The following CCDC66 variants were observed in gnomAD, a reference collection of about 807,000 sequenced individuals.
The protein encoded by CCDC66 is coiled-coil domain-containing protein 66.
CCDC66 carries 133 observed loss-of-function variants against 128.3 expected under a neutral mutation model. The observed-to-expected ratio is 1.04, with a 90% CI of 0.90 to 1.20. CCDC66 has a LOEUF of 1.20. Among genes scored for constraint, CCDC66 ranks in the 50% most tolerant of loss-of-function variants. The pLI, the probability that CCDC66 is intolerant of heterozygous loss-of-function variation, is 0.00. For synonymous variants in CCDC66, 387 were observed against 357.0 expected (o/e 1.08, Z -0.95); for missense variants, 1,126 against 1,075.5 (o/e 1.05, Z -0.66).
At chr3:56,599,611 G>T (rs1057372877) in intron 10 of CCDC66, among the ~76,000 whole-genome samples, 1 of 151,776 alleles carries the variant, frequency 6.6e-6, no homozygotes. Flanking sequence ...TTTTTTTCAA[G>T]AATTTTTTTA....
intron 7 of CCDC66, among the ~76,000 whole-genome samples, chr3:56,573,519 A>G (rs1273468585): frequency 1.3e-5 from 2 of 152,236 alleles, no homozygotes; most frequent in African/African-American, 2.4e-5. Context: ...AAGGAGAAAC[A>G]TCCATGCACA....
chr3:56,621,600 T>C lies in CCDC66; in HGVS notation c.2829T>C (p.Ser943=). The C allele has an allele frequency of 6.3e-7, 1 of 1,593,592 alleles. No homozygotes were observed. The highest frequency in any genetic ancestry group is 1.1e-5 in the South Asian group (1 of 87,626). Residue 943 remains serine, a synonymous_variant, in exon 18 of 18, where the codon AGT becomes AGC. Coordinates refer to ENST00000394672, the MANE Select transcript of CCDC66 (RefSeq NM_001141947.3). ...CTTTAGCTGAAAATCAAGAAGAGAGTTTTGGTTCTTCATTTTAAATGTAGA... is the reference window on the plus strand; with the variant it reads ...CTTTAGCTGAAAATCAAGAAGAGAGCTTTGGTTCTTCATTTTAAATGTAGA... ...LLPLAENQEE[S]FGSSF
intron 1 of CCDC66, chr3:56,557,783 G>A (rs1193953723): frequency 6.5e-6 from 1 of 153,326 alleles, no homozygotes. Context: ...AAAAGGGCTG[G>A]TGCATGGTCT....
intron 14 of CCDC66, 165 bp downstream of exon 14, chr3:56,617,770 GTT>G: frequency 1.3e-6 from 1 of 755,594 alleles, no homozygotes; most frequent in South Asian, 2.0e-5. Flanking sequence ...TTTTTGGAAA[GTT>G]TTATACGAAC....
intron 7 of CCDC66, 85 bp downstream of exon 7, chr3:56,571,387 A>C: frequency 2.6e-6 from 2 of 758,172 alleles, no homozygotes; most frequent in Non-Finnish European, 4.0e-6. Context: ...AAAAAAAAAA[A>C]GTTTTTTTTT....
At chr3:56,620,379 TTG>T (rs1417746185) in intron 17 of CCDC66, 1 of 153,032 alleles carries the variant, frequency 6.5e-6, no homozygotes, top group Non-Finnish European at 1.5e-5. Context: ...TCCCAAACTA[TTG>T]TGACTTCTTT....
intron 10 of CCDC66, among the ~76,000 whole-genome samples, chr3:56,603,626 TTTGA>T (rs1289268885): frequency 6.6e-6 from 1 of 152,116 alleles, no homozygotes; most frequent in African/African-American, 2.4e-5. Flanking sequence ...TGAGTTCTAA[TTTGA>T]TTGCACTGTG....
At position 56,593,589 on chromosome 3, in the gene CCDC66, T is replaced by C. The variant is rs766285921; in HGVS notation, c.1167T>C (p.Pro389=). Reference sequence around the variant, plus strand: ...TCTCTCAGTCAACACACAAACAACCTGAGTACTTCTGTGTCTCTCCTGACA... The same window carrying C: ...TCTCTCAGTCAACACACAAACAACCCGAGTACTTCTGTGTCTCTCCTGACA... The part of the protein sequence containing the change: ...QLFSQSTHKQ[P]EYFCVSPDTQ... The change falls in exon 9 of 18, where the codon CCT becomes CCC. Residue 389 remains proline, a synonymous_variant. Transcript: ENST00000394672. 5.6e-6 allele frequency: 9 copies of C among 1,614,088 alleles called. No homozygotes were observed. The highest frequency in any genetic ancestry group is 6.8e-6 in the Non-Finnish European group (8 of 1,180,026).
chr3:56,613,540 G>A, intron 10 of CCDC66, 49 bp from the exon 11 acceptor site: 1 of 1,585,582 alleles, frequency 6.3e-7, no homozygotes, highest in Non-Finnish European at 8.6e-7. Flanking sequence ...ATTCCCTCCT[G>A]CTTAGATTTT....
At chr3:56,560,319 C>T (rs992674092) in intron 3 of CCDC66, among the ~76,000 whole-genome samples, 9 of 152,310 alleles carry the variant, frequency 5.9e-5, no homozygotes, top group South Asian at 4.1e-4. Context: ...GATCTTCCTC[C>T]TCCAGCCTCC....
chr3:56,571,403 C>A, intron 7 of CCDC66, 101 bp downstream of exon 7: 1 of 775,194 alleles, frequency 1.3e-6, no homozygotes, highest in South Asian at 1.8e-5. Context: ...TTTTTTGAGA[C>A]GGAGTTTCTC....
intron 10 of CCDC66, among the ~76,000 whole-genome samples, chr3:56,595,490 C>T (rs1260394888): frequency 2.0e-5 from 3 of 152,170 alleles, no homozygotes; most frequent in African/African-American, 7.2e-5. Flanking sequence ...TGAGTGGGAA[C>T]ATGTGATGTT....
chr3:56,586,735 C>A (rs2069833593), intron 7 of CCDC66, among the ~76,000 whole-genome samples: 1 of 151,550 alleles, frequency 6.6e-6, no homozygotes. Context: ...GACATACTTA[C>A]AATAAAATTA....
At chr3:56,620,310 A>G (rs1198233330) in intron 17 of CCDC66, 1 of 155,288 alleles carries the variant, frequency 6.4e-6, no homozygotes, top group Non-Finnish European at 1.4e-5. Flanking sequence ...TACATCCCAA[A>G]TAGTAATAAA....
chr3:56,619,210 G>T, intron 15 of CCDC66, 61 bp from the exon 16 acceptor site: 1 of 1,298,616 alleles, frequency 7.7e-7, no homozygotes, highest in Non-Finnish European at 1.1e-6. Context: ...AAAGTGAAAT[G>T]TGATTAAAGA....
At position 56,566,775 on chromosome 3, in the gene CCDC66, C is replaced by G; in HGVS notation, c.710+16C>G. ...AAATTGCCATGTATGTAACTCCTAT[C>G]TGTTGTTATTGTGTGGTCATCTTCA... On this transcript the variant is annotated intron_variant, in intron 5 of 17. Coordinates refer to ENST00000394672, the MANE Select transcript of CCDC66 (RefSeq NM_001141947.3). 6.2e-7 allele frequency: 1 copy of G among 1,601,208 alleles called. No homozygotes were observed. Among genetic ancestry groups the G allele is most frequent in the Non-Finnish European group, 8.5e-7 (1 of 1,173,144 alleles).
At chr3:56,579,338 T>G (rs1367895774) in intron 7 of CCDC66, among the ~76,000 whole-genome samples, 1 of 151,862 alleles carries the variant, frequency 6.6e-6, no homozygotes, top group African/African-American at 2.4e-5. Flanking sequence ...ATCAATTTTG[T>G]TGATCTTTTC....
intron 11 of CCDC66, among the ~76,000 whole-genome samples, chr3:56,614,297 A>G (rs1354362895): frequency 1.3e-5 from 2 of 152,204 alleles, no homozygotes; most frequent in African/African-American, 4.8e-5. Context: ...GCACAAAGCA[A>G]ATTACCTATG....
chr3:56,573,900 T>G (rs183502058), intron 7 of CCDC66, among the ~76,000 whole-genome samples: 2 of 114,968 alleles, frequency 1.7e-5, no homozygotes, highest in Admixed American at 1.1e-4. Flanking sequence ...GTGTATCTTT[T>G]TTTAAATAAC....
Sources: gnomAD v4.1 joint callset for allele counts (sites outside exome capture counted in the v4.1 genomes callset) on GRCh38, gnomAD v4.1.1 for gene constraint, MANE v1.5 for transcripts, NCBI Gene and HGNC (gene_info 2026-07-23, HGNC 2026-07-21) for gene names.